Variants in ANK1 observed in about 807,000 individuals in gnomAD.
The protein encoded by ANK1 is ankyrin-1.
In ANK1, 51 loss-of-function variants were observed where a neutral mutation model predicts 210.4. That is an observed-to-expected ratio of 0.24 (90% CI 0.19 to 0.31). ANK1 has a LOEUF of 0.31. Ranked by LOEUF, ANK1 falls within the 10% of genes least tolerant of loss-of-function variation. The pLI is 1.00. For missense variants in ANK1, 2,051 were observed against 2,504.4 expected, an observed-to-expected ratio of 0.82 and a Z score of 3.86; for synonymous variants, 967 against 1,025.9, an observed-to-expected ratio of 0.94 and a Z score of 1.10.
intron 1 of ANK1, among the ~76,000 whole-genome samples, chr8:41,827,880 A>G (rs770336667): frequency 1.3e-5 from 2 of 150,942 alleles, no homozygotes; most frequent in Non-Finnish European, 3.0e-5. Flanking sequence ...CCCCACACAC[A>G]TGCTCACGCC....
intron 5 of ANK1, among the ~76,000 whole-genome samples, chr8:41,726,506 C>T (rs1211763665): frequency 6.6e-6 from 1 of 152,184 alleles, no homozygotes; most frequent in East Asian, 1.9e-4. Flanking sequence ...CCTCCCACTT[C>T]AGCTTCCCAA....
At chr8:41,669,673 T>TG (rs1811643447) in intron 38 of ANK1, among the ~76,000 whole-genome samples, 1 of 152,152 alleles carries the variant, frequency 6.6e-6, no homozygotes, top group South Asian at 2.1e-4. Flanking sequence ...CTTCCTCTCT[T>TG]ACCCCACATT....
chr8:41,760,067 G>A (rs549930696), intron 1 of ANK1, among the ~76,000 whole-genome samples: 1 of 152,280 alleles, frequency 6.6e-6, no homozygotes, highest in South Asian at 2.1e-4. Flanking sequence ...CTGCTGCTAC[G>A]TCACCCACCC....
At chr8:41,834,626 C>T (rs1003701070) in intron 1 of ANK1, among the ~76,000 whole-genome samples, 3 of 152,208 alleles carry the variant, frequency 2.0e-5, no homozygotes, top group Admixed American at 6.5e-5. Flanking sequence ...TCTCAGGGTC[C>T]GGAGCTGGCC....
chr8:41,751,211 G>A (rs1262012003), intron 2 of ANK1, among the ~76,000 whole-genome samples: 1 of 152,206 alleles, frequency 6.6e-6, no homozygotes, highest in East Asian at 1.9e-4. Flanking sequence ...TGGAAACTGA[G>A]CATGTGAAGC....
intron 2 of ANK1, among the ~76,000 whole-genome samples, chr8:41,748,936 G>C (rs2150697811): frequency 6.6e-6 from 1 of 152,072 alleles, no homozygotes; most frequent in South Asian, 2.1e-4. Flanking sequence ...TTGGGGGGCT[G>C]AGGCAGGAGA....
intron 18 of ANK1, among the ~76,000 whole-genome samples, chr8:41,705,661 A>T (rs1339244970): frequency 2.0e-5 from 3 of 152,170 alleles, no homozygotes; most frequent in Non-Finnish European, 4.4e-5. Flanking sequence ...CTCTCTTAAG[A>T]GTAAATATCA....
intron 17 of ANK1, among the ~76,000 whole-genome samples, chr8:41,706,825 G>A (rs367748157): frequency 3.9e-5 from 6 of 152,350 alleles, no homozygotes; most frequent in East Asian, 3.9e-4. Context: ...ATGGCTGGGC[G>A]CGGCGGCTCA....
rs534936361 is a variant in ANK1, at chr8:41,886,073, C to T, written c.126+10282G>A. On this transcript the variant is annotated intron_variant, in intron 1 of 42. Coordinates refer to the ANK1 transcript ENST00000265709. ...GGACGTTCATCTTTTAAGTCTCATT[C>T]GGGATTAAAGAGGAAAACTCCAAGG... 1.2e-3 allele frequency among the ~76,000 whole-genome samples: 176 copies of T among 152,280 alleles called. 2 individuals are homozygous for T. The South Asian group carries it at 0.018, about 16-fold the overall frequency.
intron 1 of ANK1, among the ~76,000 whole-genome samples, chr8:41,869,519 G>A (rs997733905): frequency 1.3e-5 from 2 of 152,164 alleles, no homozygotes; most frequent in African/African-American, 4.8e-5. Flanking sequence ...GGCAGAGGCT[G>A]CAGTGAGCCA....
At chr8:41,809,498 G>A (rs1435406735) in intron 1 of ANK1, among the ~76,000 whole-genome samples, 1 of 152,168 alleles carries the variant, frequency 6.6e-6, no homozygotes, top group Non-Finnish European at 1.5e-5. Context: ...TGGGCATGGT[G>A]GCTCACGCCT....
intron 1 of ANK1, among the ~76,000 whole-genome samples, chr8:41,863,253 G>A (rs1257337315): frequency 6.6e-6 from 1 of 151,546 alleles, no homozygotes; most frequent in Admixed American, 6.6e-5. Flanking sequence ...CAGCTACTCG[G>A]GAGGCTGAGG....
chr8:41,824,900 T>C (rs1329561257), intron 1 of ANK1, among the ~76,000 whole-genome samples: 3 of 152,208 alleles, frequency 2.0e-5, no homozygotes, highest in African/African-American at 7.2e-5. Flanking sequence ...CTGTAGGGCC[T>C]GGCTCTCTTT....
At position 41,704,549 on chromosome 8, in the gene ANK1, A is replaced by C; in HGVS notation, c.2098-77T>G. The C allele has an allele frequency of 7.7e-7, 1 of 1,302,318 alleles. No individual in the cohort carries two copies. The highest frequency in any genetic ancestry group is 1.1e-6 in the Non-Finnish European group (1 of 898,870). 80.7% of individuals were successfully genotyped at this position (1,302,318 alleles called of 1,614,324 possible). A position where few individuals can be genotyped will look rare whatever the true frequency, so the allele number is the denominator to read the frequency against. On this transcript the variant is annotated intron_variant, in intron 18 of 42. Transcript: ENST00000289734. The surrounding 1 kb of genome is among the most constrained non-coding windows in gnomAD (Gnocchi z 4.1). ...CATGAAATCCTTCCCAAAGCAGCTGATTCAAAGAGAGAACGGACAGGGAGC... is the reference window on the plus strand; with the variant it reads ...CATGAAATCCTTCCCAAAGCAGCTGCTTCAAAGAGAGAACGGACAGGGAGC...
rs116608917 is a variant in ANK1, at chr8:41,818,458, A to G, written c.127-60321T>C. ...ATTAAATCCATTATGTCTTCTTTTC[A>G]GTTGGATTATACCATAGGTATCAGT... On this transcript the variant is annotated intron_variant, in intron 1 of 42. Transcript: ENST00000265709. Among the ~76,000 whole-genome samples, 1,295 of 152,310 alleles carry G rather than the reference A, an allele frequency of 8.5e-3. 22 individuals carry two copies. The highest frequency in any genetic ancestry group is 0.03 in the African/African-American group (1,242 of 41,560).
At position 41,797,258 on chromosome 8, in the gene ANK1, A is replaced by C. The variant is rs1373618824; in HGVS notation, c.27+254T>G. ...CAGGACATAATTCAGAGACCCAGGT[A>C]GTTGGAACTCAATTTGACAGCAAAT... is the stretch of plus-strand genomic sequence containing the variant. On this transcript the variant is annotated intron_variant, in intron 1 of 42. Coordinates refer to ENST00000289734, the MANE Select transcript of ANK1 (RefSeq NM_000037.4). The surrounding 1 kb of genome is among the most constrained non-coding windows in gnomAD (Gnocchi z 4.0). 6.6e-6 allele frequency among the ~76,000 whole-genome samples: 1 copy of C among 152,246 alleles called. No individual in the cohort carries two copies. Among genetic ancestry groups the C allele is most frequent in the Non-Finnish European group, 1.5e-5 (1 of 68,034 alleles).
intron 9 of ANK1, among the ~76,000 whole-genome samples, chr8:41,722,293 C>T (rs1395231623): frequency 2.0e-5 from 3 of 152,240 alleles, no homozygotes; most frequent in Non-Finnish European, 4.4e-5. Context: ...GACTATGAAT[C>T]ATGACCCAAA....
intron 36 of ANK1, 21 bp from the exon 37 acceptor site, chr8:41,684,711 T>G: frequency 6.2e-7 from 1 of 1,612,256 alleles, no homozygotes; most frequent in South Asian, 1.1e-5. Context: ...AGAAGAGAGA[T>G]GCACGTTACT....
chr8:41,800,735 T>C (rs1179388990), upstream of ANK1, among the ~76,000 whole-genome samples: 1 of 152,212 alleles, frequency 6.6e-6, no homozygotes, highest in African/African-American at 2.4e-5. Context: ...TTTTTGTTTG[T>C]TTGTTTTTTG....
Sources: allele counts gnomAD v4.1 joint callset (sites outside exome capture counted in the v4.1 genomes callset), GRCh38; gene constraint gnomAD v4.1.1; non-coding constraint Gnocchi (gnomAD v3.1); transcripts MANE v1.5; gene names NCBI Gene and HGNC (gene_info 2026-07-23, HGNC 2026-07-21).